The following EVC2 variants were observed in gnomAD, a reference collection of about 807,000 sequenced individuals.
EVC2 encodes limbin.
EVC2 carries 148 observed loss-of-function variants against 149.3 expected under a neutral mutation model. The observed-to-expected ratio is 0.99, with a 90% CI of 0.87 to 1.14. The LOEUF (loss-of-function observed/expected upper bound fraction) is 1.14, where lower values mean the gene tolerates loss of function less well. Ranked by LOEUF, EVC2 falls within the 50% of genes most tolerant of loss-of-function variation. EVC2 has a pLI of 0.00. For synonymous variants in EVC2, 776 were observed against 649.9 expected, an observed-to-expected ratio of 1.19 and a Z score of -2.95; for missense variants, 1,854 against 1,627.3, an observed-to-expected ratio of 1.14 and a Z score of -2.40.
intron 16 of EVC2, among the ~76,000 whole-genome samples, chr4:5,592,669 T>C (rs923041071): frequency 7.9e-5 from 12 of 152,224 alleles, no homozygotes; most frequent in African/African-American, 2.9e-4. Context: ...ACATGTGCAT[T>C]AAGAGGCAAA....
intron 16 of EVC2, among the ~76,000 whole-genome samples, chr4:5,605,528 G>A (rs984690584): frequency 9.2e-5 from 14 of 151,944 alleles, no homozygotes; most frequent in African/African-American, 3.2e-4. Flanking sequence ...AGATAGATGT[G>A]GACAGACAGA....
At chr4:5,607,221 T>C (rs1225987877) in intron 16 of EVC2, among the ~76,000 whole-genome samples, 1 of 152,172 alleles carries the variant, frequency 6.6e-6, no homozygotes, top group Middle Eastern at 3.4e-3. Flanking sequence ...ACTGGGACCG[T>C]CTCAAGCAAA....
intron 7 of EVC2, among the ~76,000 whole-genome samples, chr4:5,674,778 G>C (rs1475273470): frequency 6.6e-6 from 1 of 152,158 alleles, no homozygotes; most frequent in African/African-American, 2.4e-5. Flanking sequence ...CTCAAGAATA[G>C]AAAGCATTCA....
intron 11 of EVC2, 63 bp downstream of exon 11, chr4:5,631,730 G>A: frequency 6.2e-7 from 1 of 1,601,470 alleles, no homozygotes; most frequent in Non-Finnish European, 8.5e-7. Flanking sequence ...TCTGAGAGAG[G>A]AGACATTTAC....
chr4:5,599,237 C>G (rs1713751344), intron 16 of EVC2, among the ~76,000 whole-genome samples: 1 of 150,490 alleles, frequency 6.6e-6, no homozygotes. Context: ...ACCCAAAGGT[C>G]TATAAATCAT....
At chr4:5,572,054 A>G (rs903331645) in intron 19 of EVC2, among the ~76,000 whole-genome samples, 1 of 152,214 alleles carries the variant, frequency 6.6e-6, no homozygotes, top group Non-Finnish European at 1.5e-5. Context: ...AATTCCTTCA[A>G]TAAATCTCTT....
In EVC2 at chr4:5,615,559, G is replaced by C. The variant is rs2108829132; in HGVS notation, c.2707-15C>G. 1 of 1,614,114 alleles carries C rather than the reference G, an allele frequency of 6.2e-7. No homozygotes were observed. The highest frequency in any genetic ancestry group is 1.3e-5 in the African/African-American group (1 of 75,036). ...TTGGACTGTTGCTGGAGAGGGGTTG[G>C]GGAAGACGTGGGTAAGAAGGCAATC... On this transcript the variant is annotated splice_polypyrimidine_tract_variant and intron_variant, in intron 15 of 21. Transcript: ENST00000344408.
intron 7 of EVC2, among the ~76,000 whole-genome samples, chr4:5,680,962 G>C (rs1720296728): frequency 6.6e-6 from 1 of 152,250 alleles, no homozygotes; most frequent in South Asian, 2.1e-4. Flanking sequence ...TGACCTAGTG[G>C]CAAACACTGG....
At chr4:5,563,382 T>C (rs1245435747) in intron 21 of EVC2, among the ~76,000 whole-genome samples, 2 of 152,238 alleles carry the variant, frequency 1.3e-5, no homozygotes, top group Admixed American at 6.5e-5. Flanking sequence ...AGTTTCGCTC[T>C]TGTTGCCCAG....
In EVC2 at chr4:5,584,610, C is replaced by A. The variant is rs770915834; in HGVS notation, c.3057+13G>T. ...AGCTCTGTCCCCCTCTCCTTCCCAG[C>A]GCCTGCACTCACCCGGCTGTGCGAC... On this transcript the variant is annotated intron_variant, in intron 17 of 21. Coordinates refer to ENST00000344408, the MANE Select transcript of EVC2 (RefSeq NM_147127.5). 2.3e-5 allele frequency: 37 copies of A among 1,609,848 alleles called. No homozygotes were observed. The highest frequency in any genetic ancestry group is 1.7e-4 in the Middle Eastern group (1 of 5,790).
chr4:5,594,463 C>T (rs553860549), intron 16 of EVC2, among the ~76,000 whole-genome samples: 6 of 152,174 alleles, frequency 3.9e-5, no homozygotes, highest in African/African-American at 1.4e-4. Flanking sequence ...AGGTAAACAG[C>T]GTCTGGAGTG....
chr4:5,558,753 A>G (rs947054729), downstream of EVC2, among the ~76,000 whole-genome samples: 12 of 152,216 alleles, frequency 7.9e-5, no homozygotes, highest in Admixed American at 6.5e-4. Context: ...GAAACTGCAC[A>G]TAAGTACTCT....
chr4:5,633,087 T>C lies in EVC2; in HGVS notation c.1471-1055A>G, dbSNP rs764869186. Among the ~76,000 whole-genome samples the C allele has an allele frequency of 5.3e-5, 8 of 152,150 alleles. No individual in the cohort carries two copies. Among genetic ancestry groups the C allele is most frequent in the Admixed American group, 1.3e-4 (2 of 15,284 alleles). On this transcript the variant is annotated intron_variant, in intron 10 of 21. Transcript: ENST00000344408. The surrounding 1 kb of genome is among the most constrained non-coding windows in gnomAD (Gnocchi z 4.4). Reference sequence around the variant, plus strand: ...TGGGCCTGACTCCTTAAAAGAAGCATTGGAGCCTTCCTAAAGAGAGAGACC... The same window carrying C: ...TGGGCCTGACTCCTTAAAAGAAGCACTGGAGCCTTCCTAAAGAGAGAGACC...
intron 19 of EVC2, among the ~76,000 whole-genome samples, chr4:5,571,384 A>G: frequency 6.6e-6 from 1 of 150,984 alleles, no homozygotes; most frequent in Non-Finnish European, 1.5e-5. Flanking sequence ...TGGGTGCACC[A>G]AAATCTCAGA....
At chr4:5,606,670 A>C (rs1714415012) in intron 16 of EVC2, among the ~76,000 whole-genome samples, 1 of 152,180 alleles carries the variant, frequency 6.6e-6, no homozygotes, top group African/African-American at 2.4e-5. Context: ...TAAACCAGAG[A>C]AAACCCAATC....
At chr4:5,646,765 GCTTTAGTTAACTCTTA>G (rs1180532998) in intron 9 of EVC2, among the ~76,000 whole-genome samples, 2 of 152,128 alleles carry the variant, frequency 1.3e-5, no homozygotes, top group East Asian at 3.9e-4. Flanking sequence ...GAGAATCTGA[GCTTTAGTTAACTCTTA>G]CTCAGAAACC....
At chr4:5,687,349 G>C (rs960342885) in intron 5 of EVC2, among the ~76,000 whole-genome samples, 1 of 152,280 alleles carries the variant, frequency 6.6e-6, no homozygotes, top group East Asian at 1.9e-4. Context: ...GCCGGGCTGC[G>C]TCATACTGCT....
At chr4:5,612,007 T>C (rs1577155472) in intron 16 of EVC2, among the ~76,000 whole-genome samples, 2 of 152,200 alleles carry the variant, frequency 1.3e-5, no homozygotes, top group African/African-American at 4.8e-5. Flanking sequence ...CAGATTAACT[T>C]CCCTCTTCTC....
rs374240083 is a variant in EVC2, at chr4:5,668,934, A to G, written c.871-3285T>C. ...GATGTAGACAAGTTAAGATGAGGTCATACTGGGTCACAGTGAGTCCTAAAT... is the reference window on the plus strand; with the variant it reads ...GATGTAGACAAGTTAAGATGAGGTCGTACTGGGTCACAGTGAGTCCTAAAT... On this transcript the variant is annotated intron_variant, in intron 7 of 21. Transcript: ENST00000344408. Among the ~76,000 whole-genome samples the G allele has an allele frequency of 3.0e-4, 45 of 152,354 alleles. No homozygotes were observed. In the South Asian group the frequency reaches 8.3e-3, roughly 28 times the overall value.
Sources: allele counts gnomAD v4.1 joint callset (sites outside exome capture counted in the v4.1 genomes callset), GRCh38; gene constraint gnomAD v4.1.1; non-coding constraint Gnocchi (gnomAD v3.1); transcripts MANE v1.5; gene names NCBI Gene and HGNC (gene_info 2026-07-23, HGNC 2026-07-21).